RERE: variants seen among roughly 807,000 people sequenced by gnomAD.
RERE encodes the protein arginine-glutamic acid dipeptide repeats, also known as arginine-glutamic acid dipeptide repeats protein.
Under a neutral mutation model 146.1 loss-of-function variants are expected in RERE, and 40 were observed. That is an observed-to-expected ratio of 0.27 (90% confidence interval 0.21 to 0.36). RERE has a LOEUF of 0.36. Ranked by LOEUF, RERE falls within the 10% of genes least tolerant of loss-of-function variation. RERE has a pLI of 1.00. For synonymous variants in RERE, 1,003 were observed against 866.0 expected (o/e 1.16, Z -2.78); for missense variants, 1,933 against 2,138.7 (o/e 0.90, Z 1.90).
intron 12 of RERE, among the ~76,000 whole-genome samples, chr1:8,390,845 G>C (rs570638916): frequency 1.3e-5 from 2 of 148,978 alleles, no homozygotes; most frequent in African/African-American, 4.9e-5. Flanking sequence ...CTGTGCCAGC[G>C]GGGGGTCCTC....
At chr1:8,634,367 T>C (rs956946515) in intron 2 of RERE, among the ~76,000 whole-genome samples, 6 of 152,240 alleles carry the variant, frequency 3.9e-5, no homozygotes, top group Non-Finnish European at 8.8e-5. Flanking sequence ...CTTTCTACTT[T>C]TTTTATCTTG....
intron 1 of RERE, among the ~76,000 whole-genome samples, chr1:8,658,956 A>G (rs1638391817): frequency 6.6e-6 from 1 of 152,254 alleles, no homozygotes; most frequent in South Asian, 2.1e-4. Context: ...TAGGTGATGA[A>G]GGAGCAATCA....
chr1:8,366,207 T>A (rs1641798179), intron 12 of RERE, among the ~76,000 whole-genome samples: 1 of 152,182 alleles, frequency 6.6e-6, no homozygotes, highest in Admixed American at 6.5e-5. Flanking sequence ...CAGCTTGACT[T>A]CCAGACACCA....
chr1:8,714,461 G>A (rs1363468096), intron 1 of RERE, among the ~76,000 whole-genome samples: 1 of 152,098 alleles, frequency 6.6e-6, no homozygotes, highest in Non-Finnish European at 1.5e-5. Context: ...TTCTATACCC[G>A]GCCAAACTGT....
intron 12 of RERE, among the ~76,000 whole-genome samples, chr1:8,388,977 C>T (rs1240062201): frequency 1.3e-5 from 2 of 152,230 alleles, no homozygotes; most frequent in Non-Finnish European, 2.9e-5. Flanking sequence ...TGGGAGCACA[C>T]TTCTGTGTCC....
At chr1:8,731,402 C>CT (rs1484669129) in intron 1 of RERE, among the ~76,000 whole-genome samples, 1 of 152,146 alleles carries the variant, frequency 6.6e-6, no homozygotes, top group Non-Finnish European at 1.5e-5. Context: ...CTTTGTAGAC[C>CT]TGGGGAAAGG....
rs778069782 is a variant in RERE, at chr1:8,808,147, C to CAAA, written c.-145+9010_-145+9012dup. On this transcript the variant is annotated intron_variant, in intron 1 of 22. Coordinates refer to ENST00000400908, the MANE Select transcript of RERE (RefSeq NM_001042681.2). The stretch of plus-strand genomic sequence containing the variant: ...TGGGCAACAGAGCAAGACCTTGTCT[C>CAAA]AAAAAAAAAAAAAAAAAAAAAAACC... 5.1e-3 allele frequency among the ~76,000 whole-genome samples: 272 copies of CAAA among 53,062 alleles called. 5 individuals are homozygous for CAAA. The highest frequency in any genetic ancestry group is 0.016 in the African/African-American group (254 of 15,494). The allele number at this position is 53,062 out of a possible 152,430, so 34.8% of individuals were successfully genotyped here.
At chr1:8,510,532 G>A (rs1219987582) in intron 7 of RERE, among the ~76,000 whole-genome samples, 1 of 152,194 alleles carries the variant, frequency 6.6e-6, no homozygotes, top group African/African-American at 2.4e-5. Context: ...GGAAGAAGCT[G>A]TTTTAGGAGG....
intron 1 of RERE, among the ~76,000 whole-genome samples, chr1:8,691,568 T>C (rs1007952219): frequency 1.3e-5 from 2 of 152,218 alleles, no homozygotes; most frequent in Non-Finnish European, 2.9e-5. Context: ...GGTTCATGGA[T>C]AGGCTTCAAA....
At chr1:8,401,066 T>TATATATATATATATATATAC (rs1643248564) in intron 12 of RERE, among the ~76,000 whole-genome samples, 1 of 122,618 alleles carries the variant, frequency 8.2e-6, no homozygotes, top group Non-Finnish European at 1.7e-5. Flanking sequence ...TATATATATA[T>TATATATATATATATATATAC]ATATATGTCA....
chr1:8,704,941 C>G (rs1013000252), intron 1 of RERE, among the ~76,000 whole-genome samples: 11 of 152,202 alleles, frequency 7.2e-5, no homozygotes, highest in Non-Finnish European at 1.2e-4. Flanking sequence ...TGAGGGGGAC[C>G]TGTGACTTGA....
intron 3 of RERE, among the ~76,000 whole-genome samples, chr1:8,617,298 G>A (rs1450054642): frequency 3.1e-5 from 4 of 129,876 alleles, no homozygotes; most frequent in South Asian, 2.4e-4. Flanking sequence ...AGCTGAGATC[G>A]TGCCATTGCA....
intron 1 of RERE, among the ~76,000 whole-genome samples, chr1:8,757,308 C>T (rs1640662824): frequency 6.6e-6 from 1 of 152,008 alleles, no homozygotes; most frequent in Non-Finnish European, 1.5e-5. Context: ...AAATTACTGC[C>T]CCATTTCTTT....
At chr1:8,754,297 A>G (rs1264252763) in intron 1 of RERE, among the ~76,000 whole-genome samples, 1 of 151,834 alleles carries the variant, frequency 6.6e-6, no homozygotes, top group East Asian at 1.9e-4. Flanking sequence ...ATGTGTGTTC[A>G]ATCGTTTCAG....
At chr1:8,554,037 C>T (rs1394359885) in intron 6 of RERE, among the ~76,000 whole-genome samples, 4 of 152,030 alleles carry the variant, frequency 2.6e-5, no homozygotes, top group South Asian at 4.2e-4. Context: ...ATTAGCTGGG[C>T]ATCGTGGCAC....
chr1:8,368,720 T>C (rs912778378), intron 12 of RERE, among the ~76,000 whole-genome samples: 5 of 152,124 alleles, frequency 3.3e-5, no homozygotes, highest in African/African-American at 9.7e-5. Context: ...TTATCAAATA[T>C]ATATGTTTTG....
At chr1:8,500,659 G>T (rs1489533814) in intron 8 of RERE, among the ~76,000 whole-genome samples, 4 of 152,026 alleles carry the variant, frequency 2.6e-5, no homozygotes, top group Admixed American at 2.6e-4. Flanking sequence ...GAGCGTCTCT[G>T]CCTGGCCGCC....
chr1:8,616,904 C>T (rs1292018794), intron 3 of RERE, among the ~76,000 whole-genome samples: 1 of 152,192 alleles, frequency 6.6e-6, no homozygotes, highest in African/African-American at 2.4e-5. Context: ...GTTAATACCA[C>T]TCTGTCCACT....
Position 8,697,902 on chromosome 1 carries a change from G to A in RERE, c.-144-41461C>T, listed in dbSNP as rs559379276. 1.9e-4 allele frequency among the ~76,000 whole-genome samples: 29 copies of A among 151,982 alleles called. No homozygotes were observed. The South Asian group carries it at 4.2e-3, about 22-fold the overall frequency. The stretch of plus-strand genomic sequence containing the variant: ...AAAGTTCATATTAGGGAGTAGATCT[G>A]GGTATTGAAAGGCCTGTCTTTTTTT... On this transcript the variant is annotated intron_variant, in intron 1 of 22. Coordinates refer to ENST00000400908, the MANE Select transcript of RERE (RefSeq NM_001042681.2).
Sources: allele counts gnomAD v4.1 joint callset (sites outside exome capture counted in the v4.1 genomes callset), GRCh38; gene constraint gnomAD v4.1.1; transcripts MANE v1.5; gene names NCBI Gene and HGNC (gene_info 2026-07-23, HGNC 2026-07-21).